The following KBTBD11 variants were observed in gnomAD, a reference collection of about 807,000 sequenced individuals.
The protein encoded by KBTBD11 is kelch repeat and BTB domain containing 11.
For synonymous variants in KBTBD11, 747 were observed against 499.0 expected (o/e 1.50, Z -6.63); for missense variants, 1,390 against 1,001.8 (o/e 1.39, Z -5.23).
At position 2,001,980 on chromosome 8, in the gene KBTBD11, A is replaced by G; in HGVS notation, c.788A>G (p.Tyr263Cys). The G allele has an allele frequency of 1.4e-6, 2 of 1,451,560 alleles. No individual in the cohort carries two copies. Among genetic ancestry groups the G allele is most frequent in the Admixed American group, 2.1e-5 (1 of 48,590 alleles). 89.9% of individuals were successfully genotyped at this position (1,451,560 alleles called of 1,614,324 possible). The change falls in exon 2 of 2, where the codon TAT becomes TGT. Residue 263 changes from tyrosine to cysteine, a missense_variant. Tyr to Cys is a radical substitution (Grantham distance 194). Coordinates refer to ENST00000320248, the MANE Select transcript of KBTBD11 (RefSeq NM_014867.3). ...GCCTACTGCTTCATGAGCGACCACT[A>G]TCTGGAGGTGCTGCGCGAGCCCGCC... Reference protein sequence around the residue: ...DAAYCFMSDHYLEVLREPAVF... With the variant: ...DAAYCFMSDHCLEVLREPAVF...
chr8:1,983,411 C>T (rs529568945), intron 1 of KBTBD11, among the ~76,000 whole-genome samples: 1 of 152,322 alleles, frequency 6.6e-6, no homozygotes, highest in East Asian at 1.9e-4. Flanking sequence ...CTCCTTGTAA[C>T]CCTGTGCCTG....
In KBTBD11 at chr8:2,004,402, T is replaced by C. The variant is rs116451704; in HGVS notation, c.*1338T>C. 3,275 of 167,016 alleles carry C rather than the reference T, an allele frequency of 0.02. 105 individuals carry two copies. The highest frequency in any genetic ancestry group is 0.067 in the African/African-American group (2,785 of 41,566). The allele number at this position is 167,016 out of a possible 1,614,324, so 10.3% of individuals were successfully genotyped here. On this transcript the variant is annotated 3_prime_UTR_variant, in exon 2 of 2. Coordinates refer to ENST00000320248, the MANE Select transcript of KBTBD11 (RefSeq NM_014867.3). ...TAGAGGCGAACATTTGAACTCCGAATCCAACCCATTTTCTTACTGTAAGAG... is the reference window on the plus strand; with the variant it reads ...TAGAGGCGAACATTTGAACTCCGAACCCAACCCATTTTCTTACTGTAAGAG...
At chr8:1,986,673 T>C (rs571043311) in intron 1 of KBTBD11, among the ~76,000 whole-genome samples, 8 of 152,348 alleles carry the variant, frequency 5.3e-5, no homozygotes, top group African/African-American at 1.9e-4. Flanking sequence ...TAAGGTTGTA[T>C]GGTTTGCATT....
intron 1 of KBTBD11, among the ~76,000 whole-genome samples, chr8:1,999,315 T>A (rs1817259013): frequency 6.6e-6 from 1 of 152,216 alleles, no homozygotes; most frequent in Admixed American, 6.5e-5. Context: ...AGTAGAACTT[T>A]AGAAGATGCT....
intron 1 of KBTBD11, among the ~76,000 whole-genome samples, chr8:1,988,700 C>T (rs147004535): frequency 2.6e-5 from 4 of 152,196 alleles, no homozygotes; most frequent in Admixed American, 2.0e-4. Context: ...TGTGCAGTGG[C>T]TCAACGCTTG....
Position 2,005,805 on chromosome 8 carries a change from G to A in KBTBD11, c.*2741G>A, listed in dbSNP as rs572055630. ...CCCATACGCAGGGGCCTTTCCAAAT[G>A]TCTGAAAAGGCAGTGGTGTCTTTTG... On this transcript the variant is annotated 3_prime_UTR_variant, in exon 2 of 2. Transcript: ENST00000320248. The A allele has an allele frequency of 6.0e-6, 1 of 167,200 alleles. No individual in the cohort carries two copies. The highest frequency in any genetic ancestry group is 2.1e-4 in the South Asian group (1 of 4,830). The allele number at this position is 167,200 out of a possible 1,614,324, so 10.4% of individuals were successfully genotyped here.
Position 1,994,405 on chromosome 8 carries a change from C to G in KBTBD11, c.-908-5880C>G, listed in dbSNP as rs79809006. ...ACATTCCAGAGGCTTTGCTCAGCCC[C>G]GTGCATGGCTGTGACAGGCGTCAGC... On this transcript the variant is annotated intron_variant, in intron 1 of 1. Transcript: ENST00000320248. Among the ~76,000 whole-genome samples, 5 of 152,334 alleles carry G rather than the reference C, an allele frequency of 3.3e-5. No individual in the cohort carries two copies. In the South Asian group the frequency reaches 1.0e-3, roughly 32 times the overall value.
At chr8:1,994,230 G>C (rs1024690476) in intron 1 of KBTBD11, among the ~76,000 whole-genome samples, 1 of 151,396 alleles carries the variant, frequency 6.6e-6, no homozygotes. Flanking sequence ...GAGGGCAGGT[G>C]GGGGACAGCT....
rs551801498 is a variant in KBTBD11 at position 2,000,694 on chromosome 8, C to T, written c.-499C>T. ...TGAAGTGAGTGGGTGAGCACGGACT[C>T]CTGAGAGCGAGGGCGCACCCAATAC... On this transcript the variant is annotated 5_prime_UTR_variant, in exon 2 of 2. Transcript: ENST00000320248. 1 of 156,244 alleles carries T rather than the reference C, an allele frequency of 6.4e-6. No homozygotes were observed. Among genetic ancestry groups the T allele is most frequent in the Admixed American group, 6.5e-5 (1 of 15,398 alleles). 9.7% of individuals were successfully genotyped at this position (156,244 alleles called of 1,614,324 possible).
rs1563387154 is a variant in KBTBD11 at position 2,006,893 on chromosome 8, CAGTTCATGCCG to C, written c.*3832_*3842del. 1 of 166,868 alleles carries C rather than the reference CAGTTCATGCCG, an allele frequency of 6.0e-6. No individual in the cohort carries two copies. The highest frequency in any genetic ancestry group is 1.5e-5 in the Non-Finnish European group (1 of 68,128). 10.3% of individuals were successfully genotyped at this position (166,868 alleles called of 1,614,324 possible). A position where few individuals can be genotyped will look rare whatever the true frequency, so the allele number is the denominator to read the frequency against. Reference sequence around the variant, plus strand: ...ATAGTGCAGAGCCTCGTATGTTTGTCAGTTCATGCCGAGATGAAATAAATCACGCAGAAAGT... The same window carrying C: ...ATAGTGCAGAGCCTCGTATGTTTGTCAGATGAAATAAATCACGCAGAAAGT... On this transcript the variant is annotated 3_prime_UTR_variant, in exon 2 of 2. Coordinates refer to ENST00000320248, the MANE Select transcript of KBTBD11 (RefSeq NM_014867.3).
rs1817411515 is a variant in KBTBD11, at chr8:2,002,353, G to A, written c.1161G>A (p.Pro387=). The A allele has an allele frequency of 2.1e-6, 3 of 1,401,008 alleles. No individual in the cohort carries two copies. Among genetic ancestry groups the A allele is most frequent in the South Asian group, 1.3e-5 (1 of 77,350 alleles). The allele number at this position is 1,401,008 out of a possible 1,614,324, so 86.8% of individuals were successfully genotyped here. A position where few individuals can be genotyped will look rare whatever the true frequency, so the allele number is the denominator to read the frequency against. ...CCGACCAGGTCTTCTGCTACAACCC[G>A]GCCACGGACAGCTGGAGCGCCGTGA... ...RPSDQVFCYN[P]ATDSWSAVRP... The change falls in exon 2 of 2, where the codon CCG becomes CCA. Residue 387 remains proline (P), a synonymous_variant. Transcript: ENST00000320248. The surrounding 1 kb of genome is among the most constrained non-coding windows in gnomAD (Gnocchi z 4.1).
Position 2,002,783 on chromosome 8 carries a change from G to C in KBTBD11, c.1591G>C (p.Ala531Pro). 1 of 1,467,688 alleles carries C rather than the reference G, an allele frequency of 6.8e-7. No homozygotes were observed. The highest frequency in any genetic ancestry group is 8.9e-7 in the Non-Finnish European group (1 of 1,117,560). The allele number at this position is 1,467,688 out of a possible 1,614,324, so 90.9% of individuals were successfully genotyped here. Residue 531 changes from alanine (A) to proline (P), a missense_variant, in exon 2 of 2, where the codon GCC becomes CCC. Transcript: ENST00000320248. This position sits in a 1 kb window ranked among gnomAD's most constrained non-coding sequence, Gnocchi z 4.1. ...CAGCGTGTCCCGATACCACTGCCTG[G>C]CCAAGCAGTGGAGCCCGTGCGTCGC... is the stretch of plus-strand genomic sequence containing the variant. Reference protein sequence around the residue: ...GVSVSRYHCLAKQWSPCVAPL... With the variant: ...GVSVSRYHCLPKQWSPCVAPL...
intron 1 of KBTBD11, among the ~76,000 whole-genome samples, chr8:1,999,949 C>T (rs919223921): frequency 9.3e-5 from 14 of 150,312 alleles, no homozygotes; most frequent in African/African-American, 3.4e-4. Context: ...ATTGTTGATA[C>T]TCGACTGCTT....
At chr8:1,992,639 T>C (rs922294086) in intron 1 of KBTBD11, among the ~76,000 whole-genome samples, 1 of 152,074 alleles carries the variant, frequency 6.6e-6, no homozygotes, top group Admixed American at 6.5e-5. Flanking sequence ...CCCATCCTTA[T>C]TTTCATACTG....
chr8:1,974,387 C>A, intron 1 of KBTBD11: 2 of 985,012 alleles, frequency 2.0e-6, no homozygotes, highest in Non-Finnish European at 2.4e-6. Context: ...GGAGCAGAAG[C>A]CGAAGCCAAG....
chr8:1,974,378 GAGCAGA>G (rs1209576588), intron 1 of KBTBD11: 28 of 984,702 alleles, frequency 2.8e-5, no homozygotes, highest in Non-Finnish European at 3.4e-5. Context: ...ACGGAAGCAG[GAGCAGA>G]AGCCGAAGCC....
At chr8:1,995,232 T>A (rs933755699) in intron 1 of KBTBD11, among the ~76,000 whole-genome samples, 26 of 152,194 alleles carry the variant, frequency 1.7e-4, no homozygotes, top group South Asian at 1.0e-3. Flanking sequence ...ACAGAAAATA[T>A]TGCTTACAAT....
intron 1 of KBTBD11, among the ~76,000 whole-genome samples, chr8:1,981,166 C>T (rs1816528169): frequency 6.6e-6 from 1 of 152,100 alleles, no homozygotes; most frequent in Non-Finnish European, 1.5e-5. Flanking sequence ...AAAAACTTGC[C>T]AACCAAGATT....
chr8:1,991,260 C>G (rs957267325), intron 1 of KBTBD11, among the ~76,000 whole-genome samples: 3 of 152,214 alleles, frequency 2.0e-5, no homozygotes, highest in African/African-American at 7.2e-5. Context: ...GCACCGTGCT[C>G]TTTATACACA....
Sources: allele counts gnomAD v4.1 joint callset (sites outside exome capture counted in the v4.1 genomes callset), GRCh38; gene constraint gnomAD v4.1.1; non-coding constraint Gnocchi (gnomAD v3.1); transcripts MANE v1.5; gene names NCBI Gene and HGNC (gene_info 2026-07-23, HGNC 2026-07-21).